CAPRIN2: variants seen among roughly 807,000 people sequenced by gnomAD.
The protein encoded by CAPRIN2 is caprin-2.
In CAPRIN2, 66 loss-of-function variants were observed where a neutral mutation model predicts 130.4. The observed-to-expected ratio is 0.51, with a 90% confidence interval of 0.42 to 0.62. The LOEUF (loss-of-function observed/expected upper bound fraction) is 0.62, where lower values mean the gene tolerates loss of function less well. Among genes scored for constraint, CAPRIN2 ranks in the 20% least tolerant of loss-of-function variants. The probability of loss-of-function intolerance (pLI) is 0.00; values close to 1 mark genes in which losing one functional copy is unlikely to be tolerated. For synonymous variants in CAPRIN2, 471 were observed against 444.1 expected, an observed-to-expected ratio of 1.06 and a Z score of -0.76; for missense variants, 1,185 against 1,246.6, an observed-to-expected ratio of 0.95 and a Z score of 0.74.
At chr12:30,729,467 G>T in intron 7 of CAPRIN2, 142 bp from the exon 9 acceptor site, 1 of 564,650 alleles carries the variant, frequency 1.8e-6, no homozygotes, top group Non-Finnish European at 2.9e-6. Flanking sequence ...TACTTGAAAA[G>T]ACTTTCCTAC....
chr12:30,751,486 T>C, intron 1 of CAPRIN2: 1 of 215,602 alleles, frequency 4.6e-6, no homozygotes, highest in South Asian at 7.6e-5. Context: ...CCCCCAAAGA[T>C]ACCTGGCAAT....
chr12:30,749,713 T>C (rs1272999547), intron 2 of CAPRIN2, among the ~76,000 whole-genome samples: 1 of 152,120 alleles, frequency 6.6e-6, no homozygotes, highest in Non-Finnish European at 1.5e-5. Context: ...AATTATGAAG[T>C]GTCGGATAGG....
chr12:30,716,681 A>G lies in CAPRIN2; in HGVS notation c.2149-5T>C. Reference sequence around the variant, plus strand: ...AGGTGCATTAACGTTAAATACCTTAAAAGACAAGGACACACTGAGTCATTT... The same window carrying G: ...AGGTGCATTAACGTTAAATACCTTAGAAGACAAGGACACACTGAGTCATTT... On this transcript the variant is annotated splice_polypyrimidine_tract_variant and splice_region_variant and intron_variant, in intron 12 of 16. Transcript: ENST00000298892. 1 of 1,613,008 alleles carries G rather than the reference A, an allele frequency of 6.2e-7. No homozygotes were observed. Among genetic ancestry groups the G allele is most frequent in the Non-Finnish European group, 8.5e-7 (1 of 1,179,432 alleles).
intron 1 of CAPRIN2, chr12:30,751,792 A>G (rs1592351620): frequency 9.5e-5 from 2 of 21,052 alleles, no homozygotes; most frequent in Admixed American, 4.2e-4. Flanking sequence ...TTCTATCATT[A>G]TCATAGAGTA....
At chr12:30,737,273 C>T (rs769362332) in intron 3 of CAPRIN2, among the ~76,000 whole-genome samples, 54 of 151,968 alleles carry the variant, frequency 3.6e-4, no homozygotes, top group Non-Finnish European at 4.4e-4. Flanking sequence ...GGGTTACAGA[C>T]GTAAGCCACC....
At chr12:30,753,510 G>A in exon 1 of CAPRIN2, 7 of 1,614,170 alleles carry the variant, frequency 4.3e-6, no homozygotes, top group Non-Finnish European at 5.1e-6. Context: ...TTGGGGCTTG[G>A]CTGACTTCAT....
At chr12:30,744,439 C>T (rs1054580723) in intron 2 of CAPRIN2, among the ~76,000 whole-genome samples, 5 of 152,172 alleles carry the variant, frequency 3.3e-5, no homozygotes, top group African/African-American at 1.2e-4. Flanking sequence ...CACCCATCCA[C>T]GTGACCTTCT....
At chr12:30,731,400 G>C in exon 6 of CAPRIN2, 1 of 1,613,014 alleles carries the variant, frequency 6.2e-7, no homozygotes, top group Non-Finnish European at 8.5e-7. Context: ...GATTGTATTA[G>C]CATTTCTTCC....
At chr12:30,716,784 GGACTTGAATA>G in intron 12 of CAPRIN2, 108 bp from the exon 15 acceptor site, 1 of 887,464 alleles carries the variant, frequency 1.1e-6, no homozygotes, top group Non-Finnish European at 1.8e-6. Context: ...TGCAGGCAAA[GGACTTGAATA>G]GACATCTCTC....
chr12:30,746,485 T>C (rs2070469057), intron 2 of CAPRIN2, among the ~76,000 whole-genome samples: 1 of 152,224 alleles, frequency 6.6e-6, no homozygotes, highest in South Asian at 2.1e-4. Context: ...TGGGTGATGA[T>C]GATGTGTCAA....
intron 2 of CAPRIN2, among the ~76,000 whole-genome samples, chr12:30,741,315 A>G (rs2067324531): frequency 6.6e-6 from 1 of 152,170 alleles, no homozygotes; most frequent in African/African-American, 2.4e-5. Context: ...TTCTAATGCC[A>G]GAAATTCAAT....
At position 30,714,462 on chromosome 12, in the gene CAPRIN2, C is replaced by G. The variant is rs184822532; in HGVS notation, c.2500+497G>C. On this transcript the variant is annotated intron_variant, in intron 14 of 16. Transcript: ENST00000298892. ...CATCCCAAAGTAATGGGATGACAGGCGTCAGCCACCACACCCAGCCTGTCT... is the reference window on the plus strand; with the variant it reads ...CATCCCAAAGTAATGGGATGACAGGGGTCAGCCACCACACCCAGCCTGTCT... Among the ~76,000 whole-genome samples the G allele has an allele frequency of 2.9e-3, 448 of 152,268 alleles. 2 individuals are homozygous for G. The highest frequency in any genetic ancestry group is 0.01 in the African/African-American group (432 of 41,520).
chr12:30,721,041 C>A (rs896235441), intron 11 of CAPRIN2, 126 bp from the exon 13 acceptor site: 2 of 661,886 alleles, frequency 3.0e-6, no homozygotes, highest in Admixed American at 4.8e-5. Flanking sequence ...CTCTGCTAAA[C>A]ACTTTATACG....
intron 12 of CAPRIN2, 26 bp from the exon 15 acceptor site, chr12:30,716,702 C>T: frequency 1.3e-6 from 2 of 1,599,512 alleles, no homozygotes; most frequent in Non-Finnish European, 1.7e-6. Flanking sequence ...CACACTGAGT[C>T]ATTTGGGAAG....
intron 15 of CAPRIN2, among the ~76,000 whole-genome samples, 160 bp downstream of exon 17, chr12:30,713,623 CAA>C (rs1006861501): frequency 9.9e-5 from 15 of 152,258 alleles, no homozygotes; most frequent in African/African-American, 3.6e-4. Context: ...TGGGTAATTG[CAA>C]AAACTTCCAA....
chr12:30,753,710 T>C (rs2075086060), exon 1 of CAPRIN2: 1 of 1,613,858 alleles, frequency 6.2e-7, no homozygotes, highest in African/African-American at 1.3e-5. Context: ...TTAAACTCTT[T>C]TCCACAGAAG....
intron 2 of CAPRIN2, among the ~76,000 whole-genome samples, chr12:30,749,120 G>T (rs1207322207): frequency 6.6e-6 from 1 of 152,146 alleles, no homozygotes; most frequent in Non-Finnish European, 1.5e-5. Context: ...AACATCTGGA[G>T]AAAGAACATC....
At chr12:30,709,885 C>A (rs555054269) in exon 17 of CAPRIN2, 7 of 1,583,722 alleles carry the variant, frequency 4.4e-6, no homozygotes, top group East Asian at 2.3e-5. Flanking sequence ...CTTTTATTGT[C>A]AATACTGTAC....
chr12:30,728,572 AG>A, intron 8 of CAPRIN2, 75 bp downstream of exon 9: 2 of 1,128,146 alleles, frequency 1.8e-6, no homozygotes, highest in Non-Finnish European at 2.5e-6. Flanking sequence ...AAAAAAAAAG[AG>A]AACTAAAAAG....
Sources: gnomAD v4.1 joint callset for allele counts (sites outside exome capture counted in the v4.1 genomes callset) on GRCh38, gnomAD v4.1.1 for gene constraint, MANE v1.5 for transcripts, NCBI Gene and HGNC (gene_info 2026-07-23, HGNC 2026-07-21) for gene names.